Variants in RORB observed in about 807,000 individuals in gnomAD.
The protein encoded by RORB is RAR related orphan receptor B, also known as nuclear receptor ROR-beta.
RORB carries 6 observed loss-of-function variants against 59.1 expected under a neutral mutation model. The ratio of observed to expected loss-of-function variants is 0.10; its 90% CI spans 0.06 to 0.20. The LOEUF (loss-of-function observed/expected upper bound fraction) is 0.20. Among genes scored for constraint, RORB ranks in the 10% least tolerant of loss-of-function variants. The pLI, the probability that RORB is intolerant of heterozygous loss-of-function variation, is 1.00. For synonymous variants in RORB, 215 were observed against 204.5 expected, an observed-to-expected ratio of 1.05 and a Z score of -0.44; for missense variants, 320 against 560.5, an observed-to-expected ratio of 0.57 and a Z score of 4.33.
At position 74,670,701 on chromosome 9, in the gene RORB, C is replaced by T. The variant is rs577175647; in HGVS notation, c.1112-1088C>T. Among the ~76,000 whole-genome samples the T allele has an allele frequency of 7.2e-5, 11 of 152,298 alleles. No homozygotes were observed. In the South Asian group the frequency reaches 2.1e-3, roughly 29 times the overall value. On this transcript the variant is annotated intron_variant, in intron 8 of 9. Transcript: ENST00000376896. ...CAGCCTATGTAGGCTCCATCTCCTG[C>T]CAGACAGCCCCCTATTCTTTCTCCA...
At position 74,686,946 on chromosome 9, in the gene RORB, T is replaced by C. The variant is rs558509005; in HGVS notation, c.*1328T>C. ...AAAGCCAAAACTAATTCCTGTGAAG[T>C]TTACAGTTACATCATCCATTTACCC... On this transcript the variant is annotated 3_prime_UTR_variant, in exon 10 of 10. Coordinates refer to ENST00000376896, the MANE Select transcript of RORB (RefSeq NM_006914.4). 20 of 152,298 alleles carry C rather than the reference T, an allele frequency of 1.3e-4. No individual in the cohort carries two copies. Among genetic ancestry groups the C allele is most frequent in the African/African-American group, 4.8e-4 (20 of 41,560 alleles). The allele number at this position is 152,298 out of a possible 1,614,324, so 9.4% of individuals were successfully genotyped here.
intron 1 of RORB, among the ~76,000 whole-genome samples, chr9:74,604,715 T>C (rs1423900728): frequency 6.6e-6 from 1 of 152,194 alleles, no homozygotes; most frequent in East Asian, 1.9e-4. Flanking sequence ...AAATAAATTG[T>C]TTAAATAAGG....
At chr9:74,520,449 C>T (rs1826069662) in intron 1 of RORB, among the ~76,000 whole-genome samples, 1 of 151,872 alleles carries the variant, frequency 6.6e-6, no homozygotes, top group African/African-American at 2.4e-5. Context: ...GGATCGTTTA[C>T]CTACTCCTCT....
chr9:74,629,869 ATT>A (rs1175525230), intron 1 of RORB, among the ~76,000 whole-genome samples: 1 of 152,170 alleles, frequency 6.6e-6, no homozygotes, highest in Non-Finnish European at 1.5e-5. Flanking sequence ...TTATGTATTT[ATT>A]TTAAATATCA....
At position 74,660,709 on chromosome 9, in the gene RORB, T is replaced by A; in HGVS notation, c.730T>A (p.Tyr244Asn). 1 of 1,613,492 alleles carries A rather than the reference T, an allele frequency of 6.2e-7. No individual in the cohort carries two copies. Among genetic ancestry groups the A allele is most frequent in the Non-Finnish European group, 8.5e-7 (1 of 1,179,808 alleles). Residue 244 changes from tyrosine (Y) to asparagine (N), a missense_variant, in exon 5 of 10, where the codon TAT becomes AAT. By Grantham distance (143) the Tyr-to-Asn change is moderately radical. This residue lies in a region of RORB where 40 missense variants were observed against 116.9 expected (regional missense o/e 0.34). Coordinates refer to ENST00000376896, the MANE Select transcript of RORB (RefSeq NM_006914.4). ...LHQLAWQTHT[Y>N]EEIKAYQSKS... ...CCAGCTGGCGTGGCAGACCCACACC[T>A]ATGAAGAAATTAAAGCATATCAAAG...
rs145081106 is a variant in RORB at position 74,571,318 on chromosome 9, A to G, written c.8-58964A>G. Among the ~76,000 whole-genome samples, 392 of 152,136 alleles carry G rather than the reference A, an allele frequency of 2.6e-3. 6 individuals are homozygous for G. Among genetic ancestry groups the G allele is most frequent in the African/African-American group, 8.8e-3 (366 of 41,532 alleles). On this transcript the variant is annotated intron_variant, in intron 1 of 9. Coordinates refer to ENST00000376896, the MANE Select transcript of RORB (RefSeq NM_006914.4). The stretch of plus-strand genomic sequence containing the variant: ...TTAGAATATTGTGGTATGCAGACAC[A>G]TGAAAATTGATGCATTACAATAGTA...
intron 1 of RORB, among the ~76,000 whole-genome samples, chr9:74,526,413 C>T (rs1220759775): frequency 6.6e-6 from 1 of 151,840 alleles, no homozygotes; most frequent in Non-Finnish European, 1.5e-5. Context: ...GCATGGAGCT[C>T]GCCTTCCTTC....
intron 1 of RORB, among the ~76,000 whole-genome samples, chr9:74,509,863 A>C (rs1416942053): frequency 1.3e-5 from 2 of 152,138 alleles, no homozygotes; most frequent in East Asian, 3.8e-4. Context: ...TATAAAGAAA[A>C]AAAAATTACA....
At chr9:74,648,165 A>G (rs1204914286) in intron 4 of RORB, among the ~76,000 whole-genome samples, 1 of 152,180 alleles carries the variant, frequency 6.6e-6, no homozygotes, top group Non-Finnish European at 1.5e-5. Context: ...GAAAAGGAAA[A>G]TTCAGTGTTT....
At chr9:74,595,756 C>A (rs1288145810) in intron 1 of RORB, among the ~76,000 whole-genome samples, 1 of 152,180 alleles carries the variant, frequency 6.6e-6, no homozygotes, top group Non-Finnish European at 1.5e-5. Context: ...CAACTAAATA[C>A]AAACTAAATT....
chr9:74,550,143 A>G (rs1472698267), intron 1 of RORB, among the ~76,000 whole-genome samples: 1 of 152,198 alleles, frequency 6.6e-6, no homozygotes, highest in Non-Finnish European at 1.5e-5. Flanking sequence ...AAAATATTTT[A>G]TGTTGTACCA....
intron 1 of RORB, among the ~76,000 whole-genome samples, chr9:74,509,787 G>C (rs368656688): frequency 2.3e-4 from 35 of 152,150 alleles, no homozygotes; most frequent in African/African-American, 7.9e-4. Flanking sequence ...ACAAGCATAA[G>C]ATGTTTTCTT....
Position 74,636,027 on chromosome 9 carries a change from C to T in RORB, c.235+1255C>T, listed in dbSNP as rs79119395. On this transcript the variant is annotated intron_variant, in intron 3 of 9. Transcript: ENST00000376896. ...TAGGTAGCTTCCAAAGCTACAGAGA[C>T]GAGGTTTCCAAAATTTTTCTATTAA... 5.8e-3 allele frequency among the ~76,000 whole-genome samples: 855 copies of T among 147,872 alleles called. 8 individuals are homozygous for T. The highest frequency in any genetic ancestry group is 0.026 in the South Asian group (120 of 4,644).
chr9:74,659,522 T>C (rs1824146478), intron 4 of RORB, among the ~76,000 whole-genome samples: 1 of 152,136 alleles, frequency 6.6e-6, no homozygotes, highest in Non-Finnish European at 1.5e-5. Flanking sequence ...TTGTTTTGTT[T>C]TTGAGATGGA....
chr9:74,645,497 G>A (rs1312491457), intron 4 of RORB, among the ~76,000 whole-genome samples: 1 of 151,952 alleles, frequency 6.6e-6, no homozygotes, highest in African/African-American at 2.4e-5. Context: ...GTTAACCCAG[G>A]CCAATAATAG....
intron 1 of RORB, among the ~76,000 whole-genome samples, chr9:74,589,850 A>G (rs967177103): frequency 2.0e-5 from 3 of 152,140 alleles, no homozygotes; most frequent in African/African-American, 7.2e-5. Flanking sequence ...CTCCAGTTAT[A>G]CATGCCCTAC....
At chr9:74,515,961 C>T (rs1217192458) in intron 1 of RORB, among the ~76,000 whole-genome samples, 1 of 151,996 alleles carries the variant, frequency 6.6e-6, no homozygotes, top group African/African-American at 2.4e-5. Context: ...GTGTGCACCA[C>T]CGCAAATGAA....
intron 9 of RORB, among the ~76,000 whole-genome samples, chr9:74,679,809 A>G (rs1477026496): frequency 6.6e-6 from 1 of 152,158 alleles, no homozygotes; most frequent in Non-Finnish European, 1.5e-5. Context: ...TCAAATTGCA[A>G]GTTGATGTAT....
At chr9:74,647,920 T>C (rs1823926082) in intron 4 of RORB, among the ~76,000 whole-genome samples, 1 of 152,204 alleles carries the variant, frequency 6.6e-6, no homozygotes, top group African/African-American at 2.4e-5. Flanking sequence ...TTTAATGGCA[T>C]ATGCTTTTAA....
Sources: allele counts gnomAD v4.1 joint callset (sites outside exome capture counted in the v4.1 genomes callset), GRCh38; gene constraint gnomAD v4.1.1; regional missense constraint gnomAD v4.1.1; transcripts MANE v1.5; gene names NCBI Gene and HGNC (gene_info 2026-07-23, HGNC 2026-07-21).